The following SWT1 variants were observed in gnomAD, a reference collection of about 807,000 sequenced individuals.
The protein encoded by SWT1 is transcriptional protein SWT1.
In SWT1, 33 loss-of-function variants were observed where a neutral mutation model predicts 107.3. The ratio of observed to expected loss-of-function variants is 0.31; its 90% CI spans 0.23 to 0.41. The LOEUF (loss-of-function observed/expected upper bound fraction) is 0.41. Ranked by LOEUF, SWT1 falls within the 10% of genes least tolerant of loss-of-function variation. SWT1 has a pLI of 1.00. For missense variants in SWT1, 898 were observed against 1,028.9 expected, an observed-to-expected ratio of 0.87 and a Z score of 1.74; for synonymous variants, 345 against 348.3, an observed-to-expected ratio of 0.99 and a Z score of 0.11.
chr1:185,173,314 G>A lies in SWT1; in HGVS notation c.225-1058G>A, dbSNP rs529996185. ...TTAAATTTTTATTAATTTTTAATACGCTAAAGTTTTAAAGTAAATAGTCAC... is the reference window on the plus strand; with the variant it reads ...TTAAATTTTTATTAATTTTTAATACACTAAAGTTTTAAAGTAAATAGTCAC... On this transcript the variant is annotated intron_variant, in intron 4 of 18. Coordinates refer to ENST00000367500, the MANE Select transcript of SWT1 (RefSeq NM_017673.7). Among the ~76,000 whole-genome samples, 18 of 151,802 alleles carry A rather than the reference G, an allele frequency of 1.2e-4. No individual in the cohort carries two copies. In the South Asian group the frequency reaches 3.7e-3, roughly 32 times the overall value.
At chr1:185,253,117 G>T (rs1662175771) in intron 16 of SWT1, among the ~76,000 whole-genome samples, 1 of 140,900 alleles carries the variant, frequency 7.1e-6, no homozygotes, top group African/African-American at 2.7e-5. Context: ...ATTTCTGAGG[G>T]CTCTGTTCTG....
chr1:185,240,418 G>A (rs986822346), intron 16 of SWT1, among the ~76,000 whole-genome samples: 1 of 151,948 alleles, frequency 6.6e-6, no homozygotes, highest in Admixed American at 6.6e-5. Flanking sequence ...TGGGAAAGAG[G>A]CAGAGGGAAT....
intron 17 of SWT1, among the ~76,000 whole-genome samples, chr1:185,275,915 G>A (rs10911700): frequency 0.52 from 79,162 of 151,954 alleles, 22,158 homozygotes; most frequent in African/African-American, 0.74. Context: ...ACTTAGAAAT[G>A]TTTTTTAAGT....
intron 14 of SWT1, among the ~76,000 whole-genome samples, chr1:185,219,620 C>CT (rs1279530317): frequency 1.3e-5 from 2 of 152,034 alleles, no homozygotes; most frequent in African/African-American, 2.4e-5. Flanking sequence ...GACCAAAAAA[C>CT]TAAGTTTTTA....
At chr1:185,269,367 G>GTTTTTT (rs1191849201) in intron 16 of SWT1, among the ~76,000 whole-genome samples, 1 of 132,498 alleles carries the variant, frequency 7.5e-6, no homozygotes. Context: ...GGGTTAAGAG[G>GTTTTTT]TTTTTGTTTT....
At chr1:185,227,699 A>G in intron 15 of SWT1, 1 of 572,324 alleles carries the variant, frequency 1.7e-6, no homozygotes, top group Non-Finnish European at 3.2e-6. Flanking sequence ...AACAAACCCC[A>G]TCCTGCAGAA....
intron 16 of SWT1, among the ~76,000 whole-genome samples, chr1:185,269,985 C>T (rs1334308714): frequency 6.6e-6 from 1 of 152,146 alleles, no homozygotes; most frequent in Non-Finnish European, 1.5e-5. Context: ...CAAAGAGCAT[C>T]TTTATTAGAT....
At chr1:185,209,277 G>A (rs1026325954) in intron 13 of SWT1, among the ~76,000 whole-genome samples, 2 of 151,810 alleles carry the variant, frequency 1.3e-5, no homozygotes, top group African/African-American at 2.4e-5. Context: ...GGTGCAGAAC[G>A]TCCAGGTCTG....
At chr1:185,176,839 C>T in intron 5 of SWT1, 1 of 417,018 alleles carries the variant, frequency 2.4e-6, no homozygotes, top group Non-Finnish European at 3.2e-6. Flanking sequence ...AAAAAATTAG[C>T]TGGGCATGGT....
intron 16 of SWT1, among the ~76,000 whole-genome samples, chr1:185,239,863 T>A (rs140831803): frequency 3.5e-4 from 54 of 152,196 alleles, no homozygotes; most frequent in African/African-American, 1.3e-3. Flanking sequence ...AAAGTTTCAT[T>A]TGGAACAAAA....
chr1:185,255,244 A>G (rs1215263022), intron 16 of SWT1, among the ~76,000 whole-genome samples: 5 of 151,504 alleles, frequency 3.3e-5, no homozygotes, highest in Non-Finnish European at 7.4e-5. Flanking sequence ...TGCTGAAAAA[A>G]ATGTATATTC....
At chr1:185,257,537 C>G (rs1165305411) in intron 16 of SWT1, among the ~76,000 whole-genome samples, 1 of 152,202 alleles carries the variant, frequency 6.6e-6, no homozygotes, top group East Asian at 1.9e-4. Flanking sequence ...GGGAGTGACC[C>G]GATTTTCCAG....
intron 16 of SWT1, among the ~76,000 whole-genome samples, chr1:185,257,505 C>G (rs557524172): frequency 6.6e-6 from 1 of 152,150 alleles, no homozygotes; most frequent in East Asian, 1.9e-4. Context: ...TTAAGCCGGT[C>G]GGAAAAGCGC....
chr1:185,252,902 T>C (rs1662153936), intron 16 of SWT1, among the ~76,000 whole-genome samples: 1 of 146,564 alleles, frequency 6.8e-6, no homozygotes, highest in Non-Finnish European at 1.5e-5. Flanking sequence ...CTTCTAGGGT[T>C]TTTATGGTTT....
chr1:185,178,207 T>C (rs548940467), intron 5 of SWT1, among the ~76,000 whole-genome samples: 7 of 152,166 alleles, frequency 4.6e-5, no homozygotes, highest in Admixed American at 3.9e-4. Flanking sequence ...AGAGGGCCAG[T>C]GTATGTAATG....
intron 16 of SWT1, among the ~76,000 whole-genome samples, chr1:185,267,066 C>G (rs1414245299): frequency 6.6e-6 from 1 of 152,092 alleles, no homozygotes; most frequent in African/African-American, 2.4e-5. Context: ...AATATGAGTT[C>G]CAGAATCAAA....
At chr1:185,222,098 A>G in intron 15 of SWT1, 62 bp downstream of exon 15, 1 of 1,116,828 alleles carries the variant, frequency 9.0e-7, no homozygotes, top group Non-Finnish European at 1.2e-6. Flanking sequence ...AATTGTACAT[A>G]TTTACAGGGT....
intron 18 of SWT1, among the ~76,000 whole-genome samples, chr1:185,284,971 T>A (rs1664864859): frequency 6.6e-6 from 1 of 151,388 alleles, no homozygotes; most frequent in African/African-American, 2.4e-5. Flanking sequence ...GCAGCCACAC[T>A]CACACACAGC....
intron 18 of SWT1, among the ~76,000 whole-genome samples, chr1:185,287,825 C>G (rs1247731781): frequency 6.6e-6 from 1 of 152,172 alleles, no homozygotes; most frequent in East Asian, 1.9e-4. Flanking sequence ...ACGGAACTTG[C>G]TACAGGAAGC....
Sources: gnomAD v4.1 joint callset for allele counts (sites outside exome capture counted in the v4.1 genomes callset) on GRCh38, gnomAD v4.1.1 for gene constraint, MANE v1.5 for transcripts, NCBI Gene and HGNC (gene_info 2026-07-23, HGNC 2026-07-21) for gene names.